The following ZNF678 variants were observed in gnomAD, a reference collection of about 807,000 sequenced individuals.
ZNF678 encodes hypothetical protein MGC42493.
ZNF678 carries 5 observed loss-of-function variants against 3.0 expected under a neutral mutation model. The observed-to-expected ratio is 1.69, with a 90% CI of 0.88 to 3.56. The LOEUF (loss-of-function observed/expected upper bound fraction) is 3.56, where lower values mean the gene tolerates loss of function less well. Ranked by LOEUF, ZNF678 falls within the 30% of genes most tolerant of loss-of-function variation. The probability of loss-of-function intolerance (pLI) is 0.00; values close to 1 mark genes in which losing one functional copy is unlikely to be tolerated. For synonymous variants in ZNF678, 218 were observed against 199.6 expected, an observed-to-expected ratio of 1.09 and a Z score of -0.78; for missense variants, 593 against 605.0, an observed-to-expected ratio of 0.98 and a Z score of 0.21.
intron 5 of ZNF678, among the ~76,000 whole-genome samples, chr1:227,676,695 C>G (rs931299576): frequency 6.8e-6 from 1 of 146,522 alleles, no homozygotes; most frequent in African/African-American, 2.5e-5. Flanking sequence ...CAACAGGCCC[C>G]GGTGTGTGAT....
downstream of ZNF678, among the ~76,000 whole-genome samples, chr1:227,664,759 C>T (rs1290180701): frequency 3.9e-5 from 6 of 151,938 alleles, no homozygotes; most frequent in Non-Finnish European, 1.5e-5. Context: ...GGTCTGTCAC[C>T]GAGAAAGTAA....
intron 1 of ZNF678, among the ~76,000 whole-genome samples, chr1:227,596,127 C>T (rs944379357): frequency 6.6e-6 from 1 of 152,216 alleles, no homozygotes; most frequent in Non-Finnish European, 1.5e-5. Flanking sequence ...CAAATGCCTA[C>T]CCGGGAGCAC....
chr1:227,666,133 G>T (rs17619179), downstream of ZNF678, among the ~76,000 whole-genome samples: 3,997 of 152,288 alleles, frequency 0.026, 59 homozygotes, highest in Middle Eastern at 0.041. Context: ...GCATTATTTA[G>T]TCTGATACTT....
At chr1:227,566,916 G>A (rs375121855) in intron 1 of ZNF678, among the ~76,000 whole-genome samples, 32 of 152,270 alleles carry the variant, frequency 2.1e-4, no homozygotes, top group African/African-American at 5.5e-4. Flanking sequence ...AATTCTATCG[G>A]GGAGAAAAAT....
intron 1 of ZNF678, among the ~76,000 whole-genome samples, chr1:227,615,273 C>A (rs1451179074): frequency 6.6e-6 from 1 of 152,198 alleles, no homozygotes; most frequent in African/African-American, 2.4e-5. Flanking sequence ...CATAGAGGCT[C>A]AGTGCAGAGG....
At chr1:227,640,796 C>T (rs950824774) in intron 1 of ZNF678, among the ~76,000 whole-genome samples, 17 of 151,904 alleles carry the variant, frequency 1.1e-4, no homozygotes, top group Non-Finnish European at 2.1e-4. Flanking sequence ...AATGGAGGAC[C>T]GGGAGTTTCC....
intron 1 of ZNF678, among the ~76,000 whole-genome samples, chr1:227,603,667 A>C (rs1657792588): frequency 6.6e-6 from 1 of 152,170 alleles, no homozygotes; most frequent in South Asian, 2.1e-4. Flanking sequence ...AGCTGTGGGA[A>C]GATGTGGACT....
At chr1:227,582,607 G>C in intron 1 of ZNF678, 1 of 227,044 alleles carries the variant, frequency 4.4e-6, no homozygotes, top group South Asian at 5.0e-5. Context: ...TAGATTACAG[G>C]TATGAGACAC....
chr1:227,591,250 AC>A (rs1231004234), intron 1 of ZNF678, among the ~76,000 whole-genome samples: 1 of 147,868 alleles, frequency 6.8e-6, no homozygotes, highest in Non-Finnish European at 1.5e-5. Flanking sequence ...TTTTAGGGTT[AC>A]ACGTTCCCCT....
intron 1 of ZNF678, among the ~76,000 whole-genome samples, chr1:227,646,197 T>C (rs1658951591): frequency 6.6e-6 from 1 of 152,244 alleles, no homozygotes; most frequent in Non-Finnish European, 1.5e-5. Context: ...TTGTATGCGT[T>C]AAAATCTGAG....
chr1:227,629,758 A>G (rs1658504749), intron 1 of ZNF678, among the ~76,000 whole-genome samples: 1 of 152,192 alleles, frequency 6.6e-6, no homozygotes, highest in African/African-American at 2.4e-5. Context: ...TGGGCCTTCC[A>G]GTGATTCCCT....
rs539611344 is a variant in ZNF678 at position 227,662,324 on chromosome 1, T to C, written c.*6496T>C. On this transcript the variant is annotated 3_prime_UTR_variant, in exon 4 of 4. Coordinates refer to ENST00000343776, the MANE Select transcript of ZNF678 (RefSeq NM_001367909.1). ...GAGAACGTGCAGAGTGAGAGTGGTA[T>C]GAATTTTCCTGTAAGCTACCTGAAG... 1 of 152,264 alleles carries C rather than the reference T, an allele frequency of 6.6e-6. No individual in the cohort carries two copies. The highest frequency in any genetic ancestry group is 2.1e-4 in the South Asian group (1 of 4,826). 9.4% of individuals were successfully genotyped at this position (152,264 alleles called of 1,614,324 possible).
At chr1:227,611,252 A>G (rs1366405434) in intron 1 of ZNF678, among the ~76,000 whole-genome samples, 1 of 152,142 alleles carries the variant, frequency 6.6e-6, no homozygotes, top group Non-Finnish European at 1.5e-5. Context: ...GATAACCCAA[A>G]GGAAGAGGTA....
At chr1:227,674,608 C>CTT (rs1383826284) in intron 5 of ZNF678, among the ~76,000 whole-genome samples, 1 of 120,262 alleles carries the variant, frequency 8.3e-6, no homozygotes, top group African/African-American at 3.1e-5. Context: ...TTTTTTTTTT[C>CTT]TTTTTTTTTT....
Position 227,563,618 on chromosome 1 carries a change from G to C in ZNF678, c.-270G>C. On this transcript the variant is annotated 5_prime_UTR_variant, in exon 1 of 4. Transcript: ENST00000343776. ...TTCTCGGCTATTTATCCCCAGCTGC[G>C]GGAGGCCCTGGTGACTCTGCTGCTG... The C allele has an allele frequency of 8.4e-7, 1 of 1,188,380 alleles. No homozygotes were observed. Among genetic ancestry groups the C allele is most frequent in the Non-Finnish European group, 1.1e-6 (1 of 881,594 alleles). 73.6% of individuals were successfully genotyped at this position (1,188,380 alleles called of 1,614,324 possible). A position where few individuals can be genotyped will look rare whatever the true frequency, so the allele number is the denominator to read the frequency against.
At chr1:227,667,166 C>T (rs1226657916), downstream of ZNF678, among the ~76,000 whole-genome samples, 1 of 151,976 alleles carries the variant, frequency 6.6e-6, no homozygotes, top group East Asian at 1.9e-4. Flanking sequence ...TCCTCAGCCC[C>T]CCAAGTAGCT....
chr1:227,646,034 T>C (rs1316828524), intron 1 of ZNF678, among the ~76,000 whole-genome samples: 1 of 152,226 alleles, frequency 6.6e-6, no homozygotes, highest in African/African-American at 2.4e-5. Context: ...TGAACTGAGA[T>C]AAAAGCCCTG....
intron 5 of ZNF678, among the ~76,000 whole-genome samples, chr1:227,672,301 A>T (rs1393031603): frequency 6.6e-6 from 1 of 152,100 alleles, no homozygotes; most frequent in African/African-American, 2.4e-5. Context: ...GAAATTTCTG[A>T]GTTAGGGGAG....
chr1:227,569,842 G>A (rs1276434841), intron 1 of ZNF678, among the ~76,000 whole-genome samples: 2 of 152,026 alleles, frequency 1.3e-5, no homozygotes, highest in African/African-American at 4.8e-5. Flanking sequence ...CCATTAGAAT[G>A]GTCATAATAT....
Sources: allele counts gnomAD v4.1 joint callset (sites outside exome capture counted in the v4.1 genomes callset), GRCh38; gene constraint gnomAD v4.1.1; transcripts MANE v1.5; gene names NCBI Gene and HGNC (gene_info 2026-07-23, HGNC 2026-07-21).